The following CSMD1 variants were observed in gnomAD, a reference collection of about 807,000 sequenced individuals.
The protein encoded by CSMD1 is CUB and sushi domain-containing protein 1.
In CSMD1, 213 loss-of-function variants were observed where a neutral mutation model predicts 417.5. That is an observed-to-expected ratio of 0.51 (90% CI 0.46 to 0.57). The LOEUF (loss-of-function observed/expected upper bound fraction) is 0.57, where lower values mean the gene tolerates loss of function less well. CSMD1 is among the 20% of genes least tolerant of loss of function. The pLI is 0.00. For missense variants in CSMD1, 6,923 were observed against 4,529.7 expected (o/e 1.53, Z -15.17); for synonymous variants, 2,862 against 1,736.8 (o/e 1.65, Z -16.11).
chr8:3,943,064 T>C (rs1810987395), intron 5 of CSMD1, among the ~76,000 whole-genome samples: 1 of 152,118 alleles, frequency 6.6e-6, no homozygotes, highest in African/African-American at 2.4e-5. Flanking sequence ...ATAAATGCAA[T>C]AAAATCTCTC....
chr8:3,460,117 G>T (rs1329837391), intron 12 of CSMD1, among the ~76,000 whole-genome samples: 1 of 152,116 alleles, frequency 6.6e-6, no homozygotes, highest in Non-Finnish European at 1.5e-5. Flanking sequence ...TTGTTGGGAT[G>T]GAGGCAGCTC....
chr8:3,323,314 T>C (rs1806276897), intron 23 of CSMD1, among the ~76,000 whole-genome samples: 1 of 152,144 alleles, frequency 6.6e-6, no homozygotes, highest in Admixed American at 6.5e-5. Flanking sequence ...TAATCTACCC[T>C]TCCCCATTTT....
chr8:4,683,135 G>C (rs992169960), intron 1 of CSMD1, among the ~76,000 whole-genome samples: 6 of 151,544 alleles, frequency 4.0e-5, no homozygotes, highest in Non-Finnish European at 8.8e-5. Context: ...TTATGAATTA[G>C]TATGGTCAGT....
chr8:3,468,572 T>A, intron 12 of CSMD1, 140 bp downstream of exon 12: 1 of 590,146 alleles, frequency 1.7e-6, no homozygotes, highest in Non-Finnish European at 3.0e-6. Context: ...TAGTAGACTT[T>A]AAGGAAGTTC....
intron 1 of CSMD1, among the ~76,000 whole-genome samples, chr8:4,873,751 G>T (rs1015103003): frequency 6.6e-6 from 1 of 152,108 alleles, no homozygotes; most frequent in Non-Finnish European, 1.5e-5. Flanking sequence ...TGAAAAATAT[G>T]TAGCACCTAT....
intron 18 of CSMD1, among the ~76,000 whole-genome samples, chr8:3,371,369 G>C (rs1317572203): frequency 6.6e-6 from 1 of 152,020 alleles, no homozygotes. Flanking sequence ...ATTCCTGCTT[G>C]CTGAAGAATG....
At chr8:3,882,066 A>G (rs1446715990) in intron 5 of CSMD1, among the ~76,000 whole-genome samples, 4 of 152,202 alleles carry the variant, frequency 2.6e-5, no homozygotes, top group Admixed American at 6.5e-5. Flanking sequence ...AAACATATCA[A>G]TAGTCTAAAC....
chr8:4,102,428 C>T (rs1013048396), intron 3 of CSMD1, among the ~76,000 whole-genome samples: 2 of 152,132 alleles, frequency 1.3e-5, no homozygotes, highest in Non-Finnish European at 1.5e-5. Flanking sequence ...CTGATTCTGT[C>T]ATAATAGATT....
chr8:4,788,061 T>A (rs1797503556), intron 1 of CSMD1: 10 of 1,594,898 alleles, frequency 6.3e-6, no homozygotes. Context: ...AAACTTTGAG[T>A]GGGTTGCAGA....
At chr8:4,320,692 C>G (rs1224968033) in intron 3 of CSMD1, among the ~76,000 whole-genome samples, 2 of 152,238 alleles carry the variant, frequency 1.3e-5, no homozygotes, top group East Asian at 3.9e-4. Context: ...TGAACTCATC[C>G]TTTTTTATGG....
At chr8:3,459,226 G>A (rs964367939) in intron 12 of CSMD1, among the ~76,000 whole-genome samples, 3 of 152,194 alleles carry the variant, frequency 2.0e-5, no homozygotes, top group Admixed American at 6.5e-5. Flanking sequence ...TGGGGCACAC[G>A]GGAGCCACAG....
At position 2,938,298 on chromosome 8, in the gene CSMD1, C is replaced by T. The variant is rs757448054; in HGVS notation, c.*287G>A. ...TGAAAGTCTGAGGCATTGAGTATGA[C>T]GTGTTGGCGCGACGTGGCAGTCTTC... On this transcript the variant is annotated 3_prime_UTR_variant, in exon 70 of 70. Transcript: ENST00000635120. The T allele has an allele frequency of 1.0e-4, 34 of 336,910 alleles. No homozygotes were observed. The East Asian group carries it at 1.3e-3, about 13-fold the overall frequency. The allele number at this position is 336,910 out of a possible 1,614,324, so 20.9% of individuals were successfully genotyped here. A position where few individuals can be genotyped will look rare whatever the true frequency, so the allele number is the denominator to read the frequency against.
intron 3 of CSMD1, among the ~76,000 whole-genome samples, chr8:4,225,353 T>C (rs1180820320): frequency 6.6e-6 from 1 of 152,196 alleles, no homozygotes; most frequent in East Asian, 1.9e-4. Flanking sequence ...ACCTAAAATA[T>C]GTAATTAACA....
intron 3 of CSMD1, among the ~76,000 whole-genome samples, chr8:4,208,570 C>T (rs184178376): frequency 6.6e-6 from 1 of 152,062 alleles, no homozygotes; most frequent in African/African-American, 2.4e-5. Flanking sequence ...TTGACTCATT[C>T]TATTTTCTTT....
At chr8:4,527,185 T>C (rs1299098856) in intron 2 of CSMD1, among the ~76,000 whole-genome samples, 1 of 152,202 alleles carries the variant, frequency 6.6e-6, no homozygotes, top group African/African-American at 2.4e-5. Flanking sequence ...TCTTCCTAGA[T>C]GCTTCCCAAA....
At chr8:4,077,751 G>A (rs761377288) in intron 3 of CSMD1, among the ~76,000 whole-genome samples, 4 of 152,134 alleles carry the variant, frequency 2.6e-5, no homozygotes, top group Non-Finnish European at 4.4e-5. Flanking sequence ...TTGTCCCAAT[G>A]CTATTGCCCT....
intron 3 of CSMD1, among the ~76,000 whole-genome samples, chr8:4,347,289 A>G (rs940148728): frequency 1.3e-5 from 2 of 152,122 alleles, no homozygotes; most frequent in African/African-American, 2.4e-5. Flanking sequence ...CCCTCTCTAA[A>G]CAGCAGCAGC....
chr8:4,740,394 T>A (rs919841084), intron 1 of CSMD1, among the ~76,000 whole-genome samples: 2 of 152,160 alleles, frequency 1.3e-5, no homozygotes, highest in South Asian at 2.1e-4. Flanking sequence ...AATGAGGAAA[T>A]AGCAGCCTCT....
At chr8:4,700,532 G>C (rs1298054787) in intron 1 of CSMD1, among the ~76,000 whole-genome samples, 3 of 152,068 alleles carry the variant, frequency 2.0e-5, no homozygotes, top group African/African-American at 7.2e-5. Context: ...CTAATAGAGA[G>C]ACAAGATATT....
Sources: gnomAD v4.1 joint callset for allele counts (sites outside exome capture counted in the v4.1 genomes callset) on GRCh38, gnomAD v4.1.1 for gene constraint, MANE v1.5 for transcripts, NCBI Gene and HGNC (gene_info 2026-07-23, HGNC 2026-07-21) for gene names.